The following EPHB2 variants were observed in gnomAD, a reference collection of about 807,000 sequenced individuals.
EPHB2 encodes ephrin type-B receptor 2.
Under a neutral mutation model 96.4 loss-of-function variants are expected in EPHB2, and 18 were observed. The ratio of observed to expected loss-of-function variants is 0.19; its 90% confidence interval spans 0.13 to 0.28. EPHB2 has a LOEUF of 0.28. Among genes scored for constraint, EPHB2 ranks in the 10% least tolerant of loss-of-function variants. EPHB2 has a pLI of 1.00. For missense variants in EPHB2, 989 were observed against 1,355.4 expected, an observed-to-expected ratio of 0.73 and a Z score of 4.25; for synonymous variants, 506 against 534.1, an observed-to-expected ratio of 0.95 and a Z score of 0.72.
intron 1 of EPHB2, among the ~76,000 whole-genome samples, chr1:22,727,697 C>T (rs915489573): frequency 1.3e-5 from 2 of 150,508 alleles, no homozygotes; most frequent in Non-Finnish European, 2.9e-5. Context: ...AAGTTGGTGT[C>T]TCCCTTTTCT....
intron 1 of EPHB2, among the ~76,000 whole-genome samples, chr1:22,743,345 A>G (rs888809891): frequency 7.9e-5 from 12 of 152,180 alleles, no homozygotes; most frequent in Non-Finnish European, 1.6e-4. Flanking sequence ...GGATCAGCTT[A>G]CTTCTTGTGA....
At chr1:22,847,233 A>G in intron 3 of EPHB2, among the ~76,000 whole-genome samples, 1 of 152,292 alleles carries the variant, frequency 6.6e-6, no homozygotes, top group South Asian at 2.1e-4. Flanking sequence ...GATTTTTCAG[A>G]TGAGGAAACG....
intron 3 of EPHB2, among the ~76,000 whole-genome samples, chr1:22,801,850 C>T (rs571576328): frequency 2.6e-5 from 4 of 152,356 alleles, no homozygotes; most frequent in Admixed American, 6.5e-5. Context: ...CGCCCCTTCC[C>T]TTTGATTCTC....
chr1:22,903,625 GA>G (rs1401948911), intron 9 of EPHB2, among the ~76,000 whole-genome samples: 6 of 152,226 alleles, frequency 3.9e-5, no homozygotes, highest in Non-Finnish European at 7.3e-5. Context: ...CCTTATGTGT[GA>G]AATGGGAATA....
chr1:22,757,400 T>A (rs1378500958), intron 1 of EPHB2, among the ~76,000 whole-genome samples: 3 of 151,960 alleles, frequency 2.0e-5, no homozygotes, highest in Non-Finnish European at 2.9e-5. Flanking sequence ...TTAGATTAGA[T>A]GGGAAGGACA....
At chr1:22,819,857 G>C (rs1305085936) in intron 3 of EPHB2, among the ~76,000 whole-genome samples, 1 of 149,524 alleles carries the variant, frequency 6.7e-6, no homozygotes, top group East Asian at 2.0e-4. Context: ...TCCTCTCCGT[G>C]TCTTAACCAC....
intron 2 of EPHB2, among the ~76,000 whole-genome samples, chr1:22,782,044 T>C (rs573096903): frequency 6.6e-6 from 1 of 152,208 alleles, no homozygotes; most frequent in South Asian, 2.1e-4. Flanking sequence ...TTGGTTCTTA[T>C]CATCCTAGGG....
intron 1 of EPHB2, among the ~76,000 whole-genome samples, chr1:22,736,410 G>C (rs987666141): frequency 2.0e-5 from 3 of 152,170 alleles, no homozygotes; most frequent in Admixed American, 1.3e-4. Context: ...TAATTCTGGA[G>C]GCTGGACAAA....
intron 3 of EPHB2, among the ~76,000 whole-genome samples, chr1:22,829,421 C>G (rs374680361): frequency 1.3e-5 from 2 of 152,352 alleles, no homozygotes; most frequent in East Asian, 3.9e-4. Context: ...GGGGTCGGCT[C>G]TACAGGCCCC....
At chr1:22,764,921 C>T (rs1005382035) in intron 1 of EPHB2, among the ~76,000 whole-genome samples, 5 of 152,124 alleles carry the variant, frequency 3.3e-5, no homozygotes, top group African/African-American at 1.2e-4. Flanking sequence ...TTCACCCTCG[C>T]CAGTTTGGGT....
chr1:22,825,288 A>G (rs1277298182), intron 3 of EPHB2, among the ~76,000 whole-genome samples: 1 of 151,738 alleles, frequency 6.6e-6, no homozygotes, highest in Non-Finnish European at 1.5e-5. Context: ...GGGGCTGATA[A>G]CCTAGATGCT....
intron 5 of EPHB2, among the ~76,000 whole-genome samples, chr1:22,871,902 G>C (rs1342876902): frequency 6.6e-6 from 1 of 152,088 alleles, no homozygotes; most frequent in Non-Finnish European, 1.5e-5. Context: ...TGTCATCCCA[G>C]CTACTCAGAA....
At chr1:22,748,666 C>T (rs1644013308) in intron 1 of EPHB2, among the ~76,000 whole-genome samples, 1 of 151,676 alleles carries the variant, frequency 6.6e-6, no homozygotes, top group Admixed American at 6.6e-5. Flanking sequence ...AGGCGTGAGC[C>T]ACTGCGCCCA....
At chr1:22,808,440 G>A (rs537256902) in intron 3 of EPHB2, among the ~76,000 whole-genome samples, 45 of 152,178 alleles carry the variant, frequency 3.0e-4, no homozygotes, top group Non-Finnish European at 5.0e-4. Context: ...CTCCCTTCCC[G>A]GGCACAGGGC....
At chr1:22,738,173 T>C (rs1017545580) in intron 1 of EPHB2, among the ~76,000 whole-genome samples, 1 of 152,262 alleles carries the variant, frequency 6.6e-6, no homozygotes, top group African/African-American at 2.4e-5. Flanking sequence ...GGATGATTTA[T>C]ACAGAAGCAC....
At chr1:22,800,698 GTATA>G (rs533407414) in intron 3 of EPHB2, among the ~76,000 whole-genome samples, 10 of 106,720 alleles carry the variant, frequency 9.4e-5, no homozygotes, top group African/African-American at 3.0e-4. Flanking sequence ...ATCTGTGTGA[GTATA>G]TGTGTGTGTG....
At chr1:22,903,103 G>A (rs747924065) in intron 9 of EPHB2, among the ~76,000 whole-genome samples, 1 of 152,236 alleles carries the variant, frequency 6.6e-6, no homozygotes, top group African/African-American at 2.4e-5. Flanking sequence ...TGCCAGGCAG[G>A]GGCATGCAGC....
At chr1:22,909,910 G>C (rs1640038703) in intron 13 of EPHB2, among the ~76,000 whole-genome samples, 1 of 152,166 alleles carries the variant, frequency 6.6e-6, no homozygotes, top group South Asian at 2.1e-4. Context: ...GGGAGCCCCA[G>C]CCAGGCTTGA....
chr1:22,728,708 TG>T (rs1429213743), intron 1 of EPHB2, among the ~76,000 whole-genome samples: 3 of 152,220 alleles, frequency 2.0e-5, no homozygotes, highest in African/African-American at 7.2e-5. Flanking sequence ...GATCTTCCCA[TG>T]GCCGACAACT....
Sources: gnomAD v4.1 joint callset for allele counts (sites outside exome capture counted in the v4.1 genomes callset) on GRCh38, gnomAD v4.1.1 for gene constraint, MANE v1.5 for transcripts, NCBI Gene and HGNC (gene_info 2026-07-23, HGNC 2026-07-21) for gene names.